Variants in TMOD3 observed in about 807,000 individuals in gnomAD.
The protein encoded by TMOD3 is tropomodulin-3.
A neutral mutation model predicts 39.2 loss-of-function variants in TMOD3; 20 were observed. The observed-to-expected ratio is 0.51, with a 90% CI of 0.36 to 0.74. TMOD3 has a LOEUF of 0.74. Ranked by LOEUF, TMOD3 falls within the 30% of genes least tolerant of loss-of-function variation. TMOD3 has a pLI of 0.00. For missense variants in TMOD3, 381 were observed against 412.8 expected, an observed-to-expected ratio of 0.92 and a Z score of 0.67; for synonymous variants, 143 against 145.8, an observed-to-expected ratio of 0.98 and a Z score of 0.14.
chr15:51,879,562 A>T (rs2056522021), intron 3 of TMOD3, among the ~76,000 whole-genome samples: 1 of 120,686 alleles, frequency 8.3e-6, no homozygotes, highest in Non-Finnish European at 1.8e-5. Flanking sequence ...AGTAAAAGTC[A>T]TAAATCTGGA....
At chr15:51,896,624 A>G (rs2056622363) in intron 7 of TMOD3, 98 bp downstream of exon 7, 15 of 839,500 alleles carry the variant, frequency 1.8e-5, no homozygotes, top group Admixed American at 4.4e-5. Context: ...TTTATAGTTA[A>G]TGTTTTAGCT....
rs1369440696 is a variant in TMOD3, at chr15:51,910,586, CAAACAAA to C, written c.*1777_*1783del. 6.6e-6 allele frequency: 1 copy of C among 152,290 alleles called. No homozygotes were observed. The highest frequency in any genetic ancestry group is 2.4e-5 in the African/African-American group (1 of 41,448). The allele number at this position is 152,290 out of a possible 1,614,324, so 9.4% of individuals were successfully genotyped here. On this transcript the variant is annotated 3_prime_UTR_variant, in exon 10 of 10. Coordinates refer to ENST00000308580, the MANE Select transcript of TMOD3 (RefSeq NM_014547.5). ...GCAAGACTCTGTCTCAAAAAACAAACAAACAAACAAACTTTTTGAAATTGAATTGCAA... is the reference window on the plus strand; with the variant it reads ...GCAAGACTCTGTCTCAAAAAACAAACCAAACTTTTTGAAATTGAATTGCAA...
intron 3 of TMOD3, among the ~76,000 whole-genome samples, chr15:51,872,713 C>T (rs745639438): frequency 7.3e-5 from 11 of 150,778 alleles, no homozygotes; most frequent in Non-Finnish European, 1.6e-4. Flanking sequence ...GATTCTTCCA[C>T]CTTAGCCTCT....
intron 3 of TMOD3, among the ~76,000 whole-genome samples, chr15:51,882,621 A>T (rs770579321): frequency 6.6e-6 from 1 of 152,256 alleles, no homozygotes; most frequent in Admixed American, 6.5e-5. Context: ...AAATCAGTTG[A>T]CCATAAGTAT....
intron 1 of TMOD3, among the ~76,000 whole-genome samples, chr15:51,844,579 A>T (rs2056326940): frequency 6.6e-6 from 1 of 152,196 alleles, no homozygotes; most frequent in Non-Finnish European, 1.5e-5. Context: ...GGCAGTAGTT[A>T]AATACTGTTA....
chr15:51,852,092 A>AT (rs2056365033), intron 1 of TMOD3, among the ~76,000 whole-genome samples: 1 of 152,188 alleles, frequency 6.6e-6, no homozygotes, highest in Non-Finnish European at 1.5e-5. Flanking sequence ...TGCCACTTTT[A>AT]AAATAGGGCA....
chr15:51,843,423 A>G (rs1000252743), intron 1 of TMOD3, among the ~76,000 whole-genome samples: 12 of 152,186 alleles, frequency 7.9e-5, no homozygotes, highest in Admixed American at 7.2e-4. Context: ...GAAACTGTCA[A>G]ACTACAAACA....
At chr15:51,880,791 A>G (rs117981503) in intron 3 of TMOD3, among the ~76,000 whole-genome samples, 2,333 of 152,268 alleles carry the variant, frequency 0.015, 84 homozygotes, top group Admixed American at 0.075. Flanking sequence ...GAACATTTTT[A>G]TACAAGTTGT....
chr15:51,853,439 G>A (rs2056372153), intron 1 of TMOD3, among the ~76,000 whole-genome samples: 1 of 152,106 alleles, frequency 6.6e-6, no homozygotes, highest in Non-Finnish European at 1.5e-5. Flanking sequence ...GGACTTAAGC[G>A]ATCCTCCCTC....
intron 1 of TMOD3, chr15:51,860,848 A>AT (rs896318123): frequency 2.7e-6 from 1 of 370,190 alleles, no homozygotes; most frequent in African/African-American, 2.1e-5. Flanking sequence ...AGACAGGAGA[A>AT]TTGCTTGAAC....
chr15:51,896,379 A>G (rs754077451), intron 6 of TMOD3, 40 bp from the exon 7 acceptor site: 3 of 1,398,876 alleles, frequency 2.1e-6, no homozygotes, highest in Non-Finnish European at 3.0e-6. Flanking sequence ...ATATAATGAA[A>G]ATTGAAATGT....
intron 5 of TMOD3, among the ~76,000 whole-genome samples, chr15:51,890,272 G>C (rs183972593): frequency 2.0e-5 from 3 of 150,226 alleles, no homozygotes; most frequent in African/African-American, 7.4e-5. Context: ...AGGTTCAAGC[G>C]CTTCTCTTGC....
In TMOD3 at chr15:51,906,338, A is replaced by T. The variant is rs555265781; in HGVS notation, c.1025-2438A>T. Among the ~76,000 whole-genome samples, 3 of 152,342 alleles carry T rather than the reference A, an allele frequency of 2.0e-5. No homozygotes were observed. The South Asian group carries it at 6.2e-4, about 32-fold the overall frequency. ...GAAACTTGTACAGAATCTCCTGGGC[A>T]TATAGTTCTTTTTCACCTTGTAGAT... On this transcript the variant is annotated intron_variant, in intron 9 of 9. Coordinates refer to ENST00000308580, the MANE Select transcript of TMOD3 (RefSeq NM_014547.5).
intron 3 of TMOD3, among the ~76,000 whole-genome samples, chr15:51,872,798 C>T (rs533554767): frequency 6.6e-6 from 1 of 152,232 alleles, no homozygotes; most frequent in East Asian, 1.9e-4. Context: ...ACACTGAAAT[C>T]ACTGTAAAGG....
chr15:51,864,093 C>T (rs1477947174), intron 2 of TMOD3, among the ~76,000 whole-genome samples: 2 of 151,806 alleles, frequency 1.3e-5, no homozygotes, highest in South Asian at 2.1e-4. Flanking sequence ...TAGTGAACCC[C>T]GTCTCTACTA....
At chr15:51,851,047 A>G (rs1252161640) in intron 1 of TMOD3, among the ~76,000 whole-genome samples, 1 of 152,112 alleles carries the variant, frequency 6.6e-6, no homozygotes, top group East Asian at 1.9e-4. Flanking sequence ...TTTTAACCAG[A>G]TGTGGGGTTT....
chr15:51,850,523 T>C (rs182629205), intron 1 of TMOD3, among the ~76,000 whole-genome samples: 1 of 152,172 alleles, frequency 6.6e-6, no homozygotes, highest in East Asian at 1.9e-4. Context: ...GTATTGAAGG[T>C]CTGAGAAAAA....
At chr15:51,849,403 G>T (rs1401722801) in intron 1 of TMOD3, among the ~76,000 whole-genome samples, 1 of 152,176 alleles carries the variant, frequency 6.6e-6, no homozygotes, top group Non-Finnish European at 1.5e-5. Context: ...CCAGATTGGA[G>T]ATATCAATTT....
chr15:51,898,192 C>G (rs2056631145), intron 7 of TMOD3, among the ~76,000 whole-genome samples: 1 of 152,198 alleles, frequency 6.6e-6, no homozygotes, highest in Admixed American at 6.5e-5. Flanking sequence ...TCATTCTACT[C>G]TAGCCATACA....
Sources: gnomAD v4.1 joint callset for allele counts (sites outside exome capture counted in the v4.1 genomes callset) on GRCh38, gnomAD v4.1.1 for gene constraint, MANE v1.5 for transcripts, NCBI Gene and HGNC (gene_info 2026-07-23, HGNC 2026-07-21) for gene names.